DHX38: variants seen among roughly 807,000 people sequenced by gnomAD.
DHX38 encodes pre-mRNA-splicing factor ATP-dependent RNA helicase PRP16.
DHX38 carries 100 observed loss-of-function variants against 153.1 expected under a neutral mutation model. The ratio of observed to expected loss-of-function variants is 0.65; its 90% CI spans 0.56 to 0.77. DHX38 has a LOEUF of 0.77. Ranked by LOEUF, DHX38 falls within the 30% of genes least tolerant of loss-of-function variation. The pLI is 0.00. For synonymous variants in DHX38, 650 were observed against 631.7 expected (o/e 1.03, Z -0.43); for missense variants, 1,440 against 1,654.0 (o/e 0.87, Z 2.24).
chr16:72,109,695 G>A (rs1597449514), intron 25 of DHX38, 185 bp downstream of exon 25: 1 of 508,170 alleles, frequency 2.0e-6, no homozygotes, highest in Middle Eastern at 3.2e-4. Context: ...GGTAGGCTGA[G>A]CCTTTAAAAA....
intron 26 of DHX38, 22 bp downstream of exon 26, chr16:72,111,099 C>G: frequency 6.5e-7 from 1 of 1,543,734 alleles, no homozygotes; most frequent in Non-Finnish European, 8.7e-7. Flanking sequence ...CCTTCGGGCT[C>G]TGGCTGGGGT....
At position 72,105,518 on chromosome 16, in the gene DHX38, C is replaced by T. The variant is rs1453949268; in HGVS notation, c.2381C>T (p.Ala794Val). Residue 794 changes from alanine (A) to valine (V), a missense_variant and splice_region_variant, in exon 18 of 27, where the codon GCT (alanine) becomes GTT (valine). By Grantham distance (64) the Ala-to-Val change is moderately conservative (BLOSUM62 0). Around this residue, in one of 6 missense-constraint regions of DHX38, gnomAD observed 543 missense variants for 717.9 expected, o/e 0.76. Transcript: ENST00000268482. ...CCCTTCCTGTATGTCCTGCTCTAGGCTCCAGATGGCGTTCGGAAGTGCATC... is the reference window on the plus strand; with the variant it reads ...CCCTTCCTGTATGTCCTGCTCTAGGTTCCAGATGGCGTTCGGAAGTGCATC... ...SDLQAKIFQK[A>V]PDGVRKCIVA... 6.2e-7 allele frequency: 1 copy of T among 1,614,194 alleles called. No individual in the cohort carries two copies. Among genetic ancestry groups the T allele is most frequent in the Non-Finnish European group, 8.5e-7 (1 of 1,180,032 alleles).
chr16:72,101,043 T>C (rs2042092802), intron 9 of DHX38, 43 bp from the exon 10 acceptor site: 1 of 1,588,554 alleles, frequency 6.3e-7, no homozygotes, highest in Admixed American at 1.7e-5. Context: ...ATGGCCTTCT[T>C]GCTGATTTTA....
At position 72,112,728 on chromosome 16, in the gene DHX38, C is replaced by G; in HGVS notation, c.*231C>G. The G allele has an allele frequency of 4.3e-6, 3 of 705,706 alleles. No homozygotes were observed. Among genetic ancestry groups the G allele is most frequent in the Non-Finnish European group, 7.7e-6 (3 of 387,640 alleles). The allele number at this position is 705,706 out of a possible 1,614,324, so 43.7% of individuals were successfully genotyped here. ...GGCTGCAGAGTATCCGAGGTGCTGC[C>G]GGGGCAGCGGGAGGTGGCTGGACCC... On this transcript the variant is annotated 3_prime_UTR_variant, in exon 27 of 27. Coordinates refer to ENST00000268482, the MANE Select transcript of DHX38 (RefSeq NM_014003.4).
chr16:72,106,195 G>C (rs2042174870), intron 19 of DHX38, 78 bp downstream of exon 19: 1 of 1,398,986 alleles, frequency 7.1e-7, no homozygotes, highest in African/African-American at 1.4e-5. Context: ...GGGCGGGCAG[G>C]ATGCTGGCTC....
chr16:72,111,158 A>G, intron 26 of DHX38, 81 bp downstream of exon 26: 1 of 1,458,262 alleles, frequency 6.9e-7, no homozygotes, highest in African/African-American at 1.4e-5. Flanking sequence ...ATGCAGGGTC[A>G]GGATTTATGG....
intron 25 of DHX38, 113 bp from the exon 26 acceptor site, chr16:72,110,843 G>C: frequency 1.4e-6 from 2 of 1,402,532 alleles, no homozygotes; most frequent in Non-Finnish European, 1.9e-6. Context: ...GCCATGTGGA[G>C]CACTGGCCTG....
chr16:72,101,473 G>T (rs568493744), intron 10 of DHX38, 27 bp from the exon 11 acceptor site: 2 of 1,544,596 alleles, frequency 1.3e-6, no homozygotes, highest in South Asian at 2.4e-5. Flanking sequence ...TGGCAGGATG[G>T]AGCAGACTGA....
rs535329960 is a variant in DHX38 at position 72,105,780 on chromosome 16, G to T, written c.2487+156G>T. On this transcript the variant is annotated intron_variant, in intron 18 of 26. Coordinates refer to ENST00000268482, the MANE Select transcript of DHX38 (RefSeq NM_014003.4). ...GGCTCACATTGACTCACTGTGCTTG[G>T]TTTGTTTAACCCTTGTAATACTCGA... Among the ~76,000 whole-genome samples the T allele has an allele frequency of 3.3e-5, 5 of 152,298 alleles. No homozygotes were observed. In the East Asian group the frequency reaches 9.7e-4, roughly 29 times the overall value.
chr16:72,106,524 CT>C (rs1210243213), intron 19 of DHX38, among the ~76,000 whole-genome samples: 2 of 152,032 alleles, frequency 1.3e-5, no homozygotes, highest in African/African-American at 2.4e-5. Context: ...TCACAGCTCA[CT>C]GCAGCCTTGA....
intron 3 of DHX38, 30 bp from the exon 4 acceptor site, chr16:72,097,647 T>C (rs776156852): frequency 1.9e-6 from 3 of 1,606,006 alleles, no homozygotes; most frequent in Non-Finnish European, 2.6e-6. Context: ...ATGGGATGCA[T>C]GTTTTTAAGC....
intron 1 of DHX38, among the ~76,000 whole-genome samples, chr16:72,095,751 T>G (rs2042005417): frequency 6.6e-6 from 1 of 152,240 alleles, no homozygotes; most frequent in Non-Finnish European, 1.5e-5. Context: ...GCCTGGTTTC[T>G]AATTGAGGTT....
rs367927748 is a variant in DHX38, at chr16:72,103,661, C to T, written c.1697C>T (p.Thr566Met). ...GGGAGTGGTAAGACCACTCAGCTGA[C>T]GCAGTACCTGCATGAAGATGGTTAC... is the stretch of plus-strand genomic sequence containing the variant. The part of the protein sequence containing the change: ...ETGSGKTTQL[T>M]QYLHEDGYTD... Residue 566 changes from threonine to methionine, a missense_variant, in exon 13 of 27, where the codon ACG becomes ATG. Thr to Met is a moderately conservative substitution (Grantham distance 81). This residue lies in a region of DHX38 where 241 missense variants were observed against 229.5 expected (regional missense o/e 1.05). Transcript: ENST00000268482. 1.6e-5 allele frequency: 26 copies of T among 1,613,826 alleles called. No homozygotes were observed. Among genetic ancestry groups the T allele is most frequent in the Admixed American group, 5.0e-5 (3 of 59,996 alleles).
Position 72,108,677 on chromosome 16 carries a change from C to G in DHX38, c.3255+70C>G. 5 of 1,590,886 alleles carry G rather than the reference C, an allele frequency of 3.1e-6. No individual in the cohort carries two copies. In the South Asian group the frequency reaches 3.4e-5, roughly 11 times the overall value. On this transcript the variant is annotated intron_variant, in intron 23 of 26. Coordinates refer to ENST00000268482, the MANE Select transcript of DHX38 (RefSeq NM_014003.4). ...ATAAGGGCAAAGTTCTTCCTTTGTC[C>G]TGGTGTGGTTCTGCAGATCTGGGCT...
intron 2 of DHX38, 65 bp downstream of exon 2, chr16:72,096,545 G>T: frequency 6.7e-7 from 1 of 1,491,018 alleles, no homozygotes; most frequent in Non-Finnish European, 8.9e-7. Context: ...AACAGCTCAT[G>T]TTTATCTCTC....
chr16:72,109,239 C>A (rs935653019), intron 24 of DHX38, among the ~76,000 whole-genome samples, 176 bp from the exon 25 acceptor site: 1 of 152,118 alleles, frequency 6.6e-6, no homozygotes, highest in Non-Finnish European at 1.5e-5. Flanking sequence ...ATACTGGGGG[C>A]ATTTTCTCAA....
At chr16:72,099,682 C>T in intron 7 of DHX38, 50 bp from the exon 8 acceptor site, 1 of 1,605,574 alleles carries the variant, frequency 6.2e-7, no homozygotes, top group Non-Finnish European at 8.5e-7. Flanking sequence ...ATGTCTCGTG[C>T]ATAAACTTGA....
In DHX38 at chr16:72,097,697, C is replaced by T; in HGVS notation, c.532C>T (p.His178Tyr). The T allele has an allele frequency of 1.9e-6, 3 of 1,614,066 alleles. No homozygotes were observed. Among genetic ancestry groups the T allele is most frequent in the Non-Finnish European group, 2.5e-6 (3 of 1,179,966 alleles). Residue 178 changes from histidine (H) to tyrosine (Y), a missense_variant, in exon 4 of 27, where the codon CAC (histidine) becomes TAC (tyrosine). By Grantham distance (83) the His-to-Tyr change is moderately conservative. Coordinates refer to ENST00000268482, the MANE Select transcript of DHX38 (RefSeq NM_014003.4). The stretch of plus-strand genomic sequence containing the variant: ...CATAGATGAGCGGGATAGAAGTAGG[C>T]ACAGCAGCAGATCAGAGCGAGATGG... The part of the protein sequence containing the change: ...RDRDERDRSR[H>Y]SSRSERDGGS...
At chr16:72,112,244 C>A (rs1265716498) in intron 26 of DHX38, 169 bp from the exon 27 acceptor site, 2 of 633,814 alleles carry the variant, frequency 3.2e-6, no homozygotes, top group Admixed American at 5.6e-5. Flanking sequence ...CATCGCCAGT[C>A]GAACATGGGG....
Sources: allele counts gnomAD v4.1 joint callset (sites outside exome capture counted in the v4.1 genomes callset), GRCh38; gene constraint gnomAD v4.1.1; regional missense constraint gnomAD v4.1.1; transcripts MANE v1.5; gene names NCBI Gene and HGNC (gene_info 2026-07-23, HGNC 2026-07-21).